DPYSL3: variants seen among roughly 807,000 people sequenced by gnomAD.
DPYSL3 encodes the protein dihydropyrimidinase like 3, also known as dihydropyrimidinase-related protein 3.
Under a neutral mutation model 66.1 loss-of-function variants are expected in DPYSL3, and 16 were observed. The ratio of observed to expected loss-of-function variants is 0.24; its 90% confidence interval spans 0.16 to 0.37. The LOEUF (loss-of-function observed/expected upper bound fraction) is 0.37, where lower values mean the gene tolerates loss of function less well. DPYSL3 is among the 10% of genes least tolerant of loss of function. The probability of loss-of-function intolerance (pLI) is 1.00; values close to 1 mark genes in which losing one functional copy is unlikely to be tolerated. For synonymous variants in DPYSL3, 338 were observed against 345.1 expected, an observed-to-expected ratio of 0.98 and a Z score of 0.23; for missense variants, 738 against 916.2, an observed-to-expected ratio of 0.81 and a Z score of 2.51.
intron 1 of DPYSL3, among the ~76,000 whole-genome samples, chr5:147,498,345 G>C (rs1753553139): frequency 6.6e-6 from 1 of 152,038 alleles, no homozygotes; most frequent in South Asian, 2.1e-4. Flanking sequence ...TCAGTGAAGG[G>C]CATTTAGGTT....
Position 147,495,034 on chromosome 5 carries a change from C to T in DPYSL3, c.381+14444G>A, listed in dbSNP as rs73264246. Among the ~76,000 whole-genome samples the T allele has an allele frequency of 9.6e-3, 1,456 of 152,184 alleles. 17 individuals carry two copies. Among genetic ancestry groups the T allele is most frequent in the African/African-American group, 0.034 (1,400 of 41,510 alleles). On this transcript the variant is annotated intron_variant, in intron 1 of 13. Coordinates refer to ENST00000343218, the MANE Select transcript of DPYSL3 (RefSeq NM_001197294.2). Reference sequence around the variant, plus strand: ...AAATTGAAAATTTGAATAGGTAAGCCTGTATCTATTAAAGAAACCAAATCA... The same window carrying T: ...AAATTGAAAATTTGAATAGGTAAGCTTGTATCTATTAAAGAAACCAAATCA...
chr5:147,397,435 T>C (rs6877045), intron 12 of DPYSL3, among the ~76,000 whole-genome samples: 28,880 of 152,028 alleles, frequency 0.19, 3,205 homozygotes, highest in African/African-American at 0.3. Flanking sequence ...TAAAGTACTA[T>C]AAAAATGTGG....
intron 1 of DPYSL3, chr5:147,453,712 C>T: frequency 1.5e-6 from 2 of 1,316,814 alleles, no homozygotes; most frequent in Admixed American, 3.8e-5. Flanking sequence ...GCCGCGCCGC[C>T]GCCTCCGCCC....
At chr5:147,426,371 A>T (rs1434784877) in intron 1 of DPYSL3, among the ~76,000 whole-genome samples, 1 of 152,116 alleles carries the variant, frequency 6.6e-6, no homozygotes, top group Non-Finnish European at 1.5e-5. Context: ...AGTGGCATTA[A>T]ATCAGGTTGG....
intron 1 of DPYSL3, among the ~76,000 whole-genome samples, chr5:147,430,030 A>G (rs1428783943): frequency 6.6e-6 from 1 of 152,214 alleles, no homozygotes; most frequent in Admixed American, 6.5e-5. Flanking sequence ...TCACTAGGGT[A>G]TGATACTGAT....
At chr5:147,411,312 C>T (rs1378878487) in intron 6 of DPYSL3, among the ~76,000 whole-genome samples, 2 of 152,130 alleles carry the variant, frequency 1.3e-5, no homozygotes, top group African/African-American at 4.8e-5. Flanking sequence ...CCCCCACCAG[C>T]AAGACAACAT....
intron 1 of DPYSL3, among the ~76,000 whole-genome samples, chr5:147,437,962 C>T (rs532827617): frequency 6.6e-6 from 1 of 152,326 alleles, no homozygotes; most frequent in South Asian, 2.1e-4. Flanking sequence ...TCCTTTATCC[C>T]TGAAAAGTAA....
intron 1 of DPYSL3, among the ~76,000 whole-genome samples, chr5:147,447,429 A>C (rs1234869961): frequency 6.6e-6 from 1 of 152,200 alleles, no homozygotes; most frequent in East Asian, 1.9e-4. Flanking sequence ...CAGCAAAAGG[A>C]GTCTGAAAAT....
intron 1 of DPYSL3, among the ~76,000 whole-genome samples, chr5:147,450,339 C>G (rs1752704574): frequency 6.6e-6 from 1 of 152,138 alleles, no homozygotes; most frequent in Admixed American, 6.5e-5. Context: ...TTATTAGGAA[C>G]AATTTTAAAT....
At chr5:147,412,850 T>C (rs1297555724) in intron 5 of DPYSL3, among the ~76,000 whole-genome samples, 162 bp from the exon 6 acceptor site, 5 of 152,190 alleles carry the variant, frequency 3.3e-5, no homozygotes, top group Non-Finnish European at 7.3e-5. Flanking sequence ...AGAGGAGTGC[T>C]AGTCCAAAGA....
intron 1 of DPYSL3, among the ~76,000 whole-genome samples, chr5:147,480,269 C>T (rs1581212849): frequency 6.6e-6 from 1 of 152,212 alleles, no homozygotes; most frequent in South Asian, 2.1e-4. Context: ...TTGCCACACC[C>T]TCTTAGGAGC....
chr5:147,404,420 T>C (rs887711514), intron 8 of DPYSL3, among the ~76,000 whole-genome samples: 20 of 152,236 alleles, frequency 1.3e-4, no homozygotes, highest in African/African-American at 4.8e-4. Context: ...CTGAGACTAT[T>C]TTTAGCTACT....
chr5:147,407,261 G>T (rs973750348), intron 7 of DPYSL3, among the ~76,000 whole-genome samples: 1 of 152,096 alleles, frequency 6.6e-6, no homozygotes, highest in Admixed American at 6.6e-5. Flanking sequence ...TCTTTGGAAG[G>T]TTACATCACC....
chr5:147,482,942 TCTTATA>T (rs1427130993), intron 1 of DPYSL3, among the ~76,000 whole-genome samples: 1 of 152,112 alleles, frequency 6.6e-6, no homozygotes, highest in Non-Finnish European at 1.5e-5. Flanking sequence ...ACTGTCAAAC[TCTTATA>T]AAACCATCAG....
chr5:147,492,877 C>G (rs751000752), intron 1 of DPYSL3, among the ~76,000 whole-genome samples: 1 of 152,064 alleles, frequency 6.6e-6, no homozygotes, highest in Non-Finnish European at 1.5e-5. Flanking sequence ...TCCAAATACA[C>G]CAGTTAAAAG....
chr5:147,413,754 G>C lies in DPYSL3; in HGVS notation c.821-97C>G, dbSNP rs1012195026. ...CCACTTCCATCGACCATAGCACCCA[G>C]CTGCATTACCCGGGCTCCTGTCCAA... On this transcript the variant is annotated intron_variant, in intron 4 of 13. Coordinates refer to ENST00000343218, the MANE Select transcript of DPYSL3 (RefSeq NM_001197294.2). 3.1e-6 allele frequency: 3 copies of C among 963,210 alleles called. No homozygotes were observed. The South Asian group carries it at 4.2e-5, about 13-fold the overall frequency. 59.7% of individuals were successfully genotyped at this position (963,210 alleles called of 1,614,324 possible).
intron 1 of DPYSL3, among the ~76,000 whole-genome samples, chr5:147,434,566 A>G (rs766948970): frequency 2.0e-5 from 3 of 152,238 alleles, no homozygotes; most frequent in Non-Finnish European, 4.4e-5. Context: ...TCATTCCTGA[A>G]ACATATGCTA....
At chr5:147,453,524 AG>A in intron 1 of DPYSL3, 1 of 1,521,228 alleles carries the variant, frequency 6.6e-7, no homozygotes, top group South Asian at 1.2e-5. Context: ...GCGAGGAGGG[AG>A]GGAGCAGCGG....
chr5:147,413,573 C>T (rs1312829239), intron 5 of DPYSL3, 23 bp downstream of exon 5: 7 of 1,599,158 alleles, frequency 4.4e-6, no homozygotes, highest in Non-Finnish European at 8.6e-7. Context: ...ATACCCCAAA[C>T]CACATAGCAA....
Sources: allele counts gnomAD v4.1 joint callset (sites outside exome capture counted in the v4.1 genomes callset), GRCh38; gene constraint gnomAD v4.1.1; transcripts MANE v1.5; gene names NCBI Gene and HGNC (gene_info 2026-07-23, HGNC 2026-07-21).